LHFPL2: variants seen among roughly 807,000 people sequenced by gnomAD.
The protein encoded by LHFPL2 is LHFPL tetraspan subfamily member 2 protein.
Under a neutral mutation model 17.5 loss-of-function variants are expected in LHFPL2, and 7 were observed. The observed-to-expected ratio is 0.40, with a 90% CI of 0.23 to 0.75. The LOEUF (loss-of-function observed/expected upper bound fraction) is 0.75. Ranked by LOEUF, LHFPL2 falls within the 30% of genes least tolerant of loss-of-function variation. The pLI is 0.37. For missense variants in LHFPL2, 241 were observed against 294.8 expected (o/e 0.82, Z 1.34); for synonymous variants, 134 against 116.2 (o/e 1.15, Z -0.99).
In LHFPL2 at chr5:78,510,385, G is replaced by A; in HGVS notation, c.-172C>T. On this transcript the variant is annotated 5_prime_UTR_variant, in exon 4 of 5. Transcript: ENST00000380345. Reference sequence around the variant, plus strand: ...ACAGCGCTCCCGGACCCAGAGCACCGCCTGCGGCCTCACCTAGGGGAGAGG... The same window carrying A: ...ACAGCGCTCCCGGACCCAGAGCACCACCTGCGGCCTCACCTAGGGGAGAGG... The A allele has an allele frequency of 1.5e-6, 1 of 668,662 alleles. No individual in the cohort carries two copies. Among genetic ancestry groups the A allele is most frequent in the Non-Finnish European group, 2.5e-6 (1 of 403,792 alleles). The allele number at this position is 668,662 out of a possible 1,614,324, so 41.4% of individuals were successfully genotyped here. A position where few individuals can be genotyped will look rare whatever the true frequency, so the allele number is the denominator to read the frequency against.
intron 4 of LHFPL2, 43 bp from the exon 5 acceptor site, chr5:78,489,196 G>T (rs961296795): frequency 2.5e-6 from 4 of 1,607,466 alleles, no homozygotes; most frequent in Non-Finnish European, 3.4e-6. Context: ...TCCCCATGGT[G>T]CTACAACTGT....
At chr5:78,628,452 T>C (rs1745134866) in intron 2 of LHFPL2, among the ~76,000 whole-genome samples, 1 of 152,170 alleles carries the variant, frequency 6.6e-6, no homozygotes, top group Non-Finnish European at 1.5e-5. Context: ...CACAATCAGT[T>C]CAATCTTCAT....
rs560729295 is a variant in LHFPL2, at chr5:78,488,857, A to G, written c.*40T>C. On this transcript the variant is annotated 3_prime_UTR_variant, in exon 5 of 5. Coordinates refer to ENST00000380345, the MANE Select transcript of LHFPL2 (RefSeq NM_005779.3). ...ATGATGAAACTGTGGACTGTTTCAC[A>G]AGATTACTCAAGGGAGAAAATGGCA... 1.0e-5 allele frequency: 16 copies of G among 1,605,280 alleles called. No individual in the cohort carries two copies. In the Admixed American group the frequency reaches 1.3e-4, roughly 13 times the overall value.
intron 2 of LHFPL2, among the ~76,000 whole-genome samples, chr5:78,566,316 T>C (rs1251786759): frequency 1.3e-5 from 2 of 152,328 alleles, no homozygotes; most frequent in East Asian, 3.9e-4. Flanking sequence ...AAGCCAACAG[T>C]GGCACAAAGG....
chr5:78,551,150 T>C (rs1445669138), intron 3 of LHFPL2, among the ~76,000 whole-genome samples: 4 of 152,188 alleles, frequency 2.6e-5, no homozygotes, highest in Admixed American at 1.3e-4. Context: ...CTAACTGCAA[T>C]TTCAAAGGAT....
intron 3 of LHFPL2, among the ~76,000 whole-genome samples, chr5:78,511,094 AACTC>A (rs1303833170): frequency 1.6e-5 from 2 of 121,460 alleles, no homozygotes; most frequent in Non-Finnish European, 3.6e-5. Context: ...CACTAATTAA[AACTC>A]AGAGGGGAAA....
chr5:78,510,703 G>A (rs778307217), intron 3 of LHFPL2, among the ~76,000 whole-genome samples: 1 of 152,248 alleles, frequency 6.6e-6, no homozygotes, highest in Non-Finnish European at 1.5e-5. Flanking sequence ...TGCACTTTTA[G>A]GACAGGGCTC....
chr5:78,642,878 G>A (rs1489974954), intron 1 of LHFPL2, among the ~76,000 whole-genome samples: 3 of 152,094 alleles, frequency 2.0e-5, no homozygotes, highest in Admixed American at 6.5e-5. Context: ...TGAACAGGAA[G>A]TGGGGTCAAT....
intron 2 of LHFPL2, among the ~76,000 whole-genome samples, chr5:78,621,888 T>C (rs1371345879): frequency 6.6e-6 from 1 of 152,170 alleles, no homozygotes; most frequent in Non-Finnish European, 1.5e-5. Context: ...CCTAAGCTGT[T>C]GGTCCAGGAA....
intron 1 of LHFPL2, among the ~76,000 whole-genome samples, chr5:78,647,092 A>G (rs1190553705): frequency 2.6e-5 from 4 of 152,234 alleles, no homozygotes; most frequent in Non-Finnish European, 2.9e-5. Flanking sequence ...GTTTTATCTG[A>G]TATTACTTCA....
intron 1 of LHFPL2, chr5:78,644,579 C>A: frequency 4.3e-6 from 2 of 468,434 alleles, no homozygotes; most frequent in South Asian, 2.8e-5. Context: ...ACATTGGGAT[C>A]CTCGAACTTC....
At chr5:78,647,582 C>T (rs1745929697) in intron 1 of LHFPL2, among the ~76,000 whole-genome samples, 1 of 152,138 alleles carries the variant, frequency 6.6e-6, no homozygotes, top group Admixed American at 6.5e-5. Context: ...AACCTACATG[C>T]ACAAACACAC....
At chr5:78,623,920 T>C (rs112101376) in intron 2 of LHFPL2, among the ~76,000 whole-genome samples, 4,933 of 152,216 alleles carry the variant, frequency 0.032, 123 homozygotes, top group Non-Finnish European at 0.052. Context: ...ACAGCCCCCA[T>C]GAGAAGTTCA....
At chr5:78,579,907 C>T (rs189024461) in intron 2 of LHFPL2, among the ~76,000 whole-genome samples, 142 of 152,174 alleles carry the variant, frequency 9.3e-4, no homozygotes, top group Non-Finnish European at 1.5e-3. Flanking sequence ...AGTTCTAGAT[C>T]CTTGAGGAAT....
At chr5:78,591,219 C>T (rs949046178) in intron 2 of LHFPL2, among the ~76,000 whole-genome samples, 8 of 152,148 alleles carry the variant, frequency 5.3e-5, no homozygotes, top group Non-Finnish European at 7.4e-5. Flanking sequence ...AAAATGAAGA[C>T]GAGGGCCTAA....
At position 78,516,978 on chromosome 5, in the gene LHFPL2, A is replaced by G. The variant is rs549628901; in HGVS notation, c.-185-6580T>C. Among the ~76,000 whole-genome samples the G allele has an allele frequency of 7.2e-5, 11 of 152,284 alleles. No homozygotes were observed. The South Asian group carries it at 1.7e-3, about 23-fold the overall frequency. On this transcript the variant is annotated intron_variant, in intron 3 of 4. Coordinates refer to ENST00000380345, the MANE Select transcript of LHFPL2 (RefSeq NM_005779.3). ...GAGGGGCCTGGACATGGGTTCAGAA[A>G]ACTGCATGGTTGGCCACACAGGCTT...
intron 2 of LHFPL2, among the ~76,000 whole-genome samples, chr5:78,580,691 T>C (rs964729407): frequency 1.3e-5 from 2 of 152,210 alleles, no homozygotes; most frequent in Non-Finnish European, 2.9e-5. Context: ...CTCTGTTCTG[T>C]TCCATCGGTC....
intron 2 of LHFPL2, among the ~76,000 whole-genome samples, chr5:78,610,863 T>C (rs1006813800): frequency 4.6e-5 from 7 of 151,676 alleles, no homozygotes; most frequent in Admixed American, 4.6e-4. Flanking sequence ...ACCAATATTC[T>C]GACACATATC....
At chr5:78,616,049 CCCTCTGTTCTTCTCCTCCCCAT>C (rs1744589134) in intron 2 of LHFPL2, among the ~76,000 whole-genome samples, 2 of 152,158 alleles carry the variant, frequency 1.3e-5, no homozygotes, top group Admixed American at 6.5e-5. Flanking sequence ...CTTCCTTCTG[CCCTCTGTTCTTCTCCTCCCCAT>C]CCTCCCATTC....
Sources: allele counts gnomAD v4.1 joint callset (sites outside exome capture counted in the v4.1 genomes callset), GRCh38; gene constraint gnomAD v4.1.1; transcripts MANE v1.5; gene names NCBI Gene and HGNC (gene_info 2026-07-23, HGNC 2026-07-21).